The following CAMSAP1 variants were observed in gnomAD, a reference collection of about 807,000 sequenced individuals.
CAMSAP1 encodes the protein calmodulin regulated spectrin associated protein 1.
A neutral mutation model predicts 143.5 loss-of-function variants in CAMSAP1; 58 were observed. The ratio of observed to expected loss-of-function variants is 0.40; its 90% confidence interval spans 0.33 to 0.50. The LOEUF (loss-of-function observed/expected upper bound fraction) is 0.50, where lower values mean the gene tolerates loss of function less well. CAMSAP1 is among the 20% of genes least tolerant of loss of function. The pLI, the probability that CAMSAP1 is intolerant of heterozygous loss-of-function variation, is 0.45. For synonymous variants in CAMSAP1, 945 were observed against 859.3 expected (o/e 1.10, Z -1.74); for missense variants, 1,969 against 2,115.7 (o/e 0.93, Z 1.36).
intron 5 of CAMSAP1, among the ~76,000 whole-genome samples, chr9:135,853,733 C>T (rs557564305): frequency 8.5e-5 from 13 of 152,344 alleles, no homozygotes; most frequent in East Asian, 1.9e-4. Context: ...GCCCTGGCTA[C>T]GGCTCCCACT....
intron 3 of CAMSAP1, among the ~76,000 whole-genome samples, chr9:135,874,528 GA>G (rs930872087): frequency 2.0e-4 from 30 of 146,448 alleles, no homozygotes; most frequent in Admixed American, 1.8e-3. Context: ...GGGCATCTAT[GA>G]AAAAAAAATT....
chr9:135,881,726 C>G lies in CAMSAP1; in HGVS notation c.492G>C (p.Lys164Asn), dbSNP rs551929948. 7.7e-6 allele frequency: 12 copies of G among 1,551,774 alleles called. No individual in the cohort carries two copies. Among genetic ancestry groups the G allele is most frequent in the Non-Finnish European group, 1.0e-5 (12 of 1,147,042 alleles). Residue 164 changes from lysine (K) to asparagine (N), a missense_variant, in exon 3 of 17, where the codon AAG becomes AAC. Lys to Asn is a moderately conservative substitution (Grantham distance 94). This residue lies in a region of CAMSAP1 where 221 missense variants were observed against 298.2 expected (regional missense o/e 0.74). Coordinates refer to ENST00000389532, the MANE Select transcript of CAMSAP1 (RefSeq NM_015447.4). The stretch of plus-strand genomic sequence containing the variant: ...AGAAGCGCTTGACACTGGCCACCAC[C>G]TTCTCGATGCTGATCATCTCCACAG... ...AYTVEMISIE[K>N]VVASVKRFST...
intron 8 of CAMSAP1, 124 bp from the exon 9 acceptor site, chr9:135,825,004 G>A (rs1835622799): frequency 3.9e-6 from 3 of 763,294 alleles, no homozygotes; most frequent in South Asian, 1.8e-5. Context: ...CGGACTGTTT[G>A]GGAAAAAAAT....
chr9:135,841,231 C>T (rs1047992182), intron 7 of CAMSAP1, among the ~76,000 whole-genome samples: 6 of 152,148 alleles, frequency 3.9e-5, no homozygotes, highest in African/African-American at 1.4e-4. Context: ...ACAAAGCCGC[C>T]AGGAAGTTTA....
chr9:135,836,409 C>T, intron 7 of CAMSAP1: 1 of 985,204 alleles, frequency 1.0e-6, no homozygotes, highest in Non-Finnish European at 1.2e-6. Context: ...GCTTTTTCTA[C>T]TCCGTTCTAC....
Position 135,822,107 on chromosome 9 carries a change from G to C in CAMSAP1, c.2554C>G (p.Leu852Val). Residue 852 changes from leucine (L) to valine (V), a missense_variant, in exon 11 of 17, where the codon CTG becomes GTG. Physicochemically the swap from Leu to Val is conservative, Grantham distance 32. This residue lies in a region of CAMSAP1 where 1,390 missense variants were observed against 1,420.8 expected (regional missense o/e 0.98). Coordinates refer to ENST00000389532, the MANE Select transcript of CAMSAP1 (RefSeq NM_015447.4). The surrounding 1 kb of genome is among the most constrained non-coding windows in gnomAD (Gnocchi z 6.1). ...PDASESCPAP[L>V]TTWRQKREQS... ...TCCCTCTTCTGCCTCCACGTCGTCA[G>C]AGGGGCTGGGCAGCTCTCAGACGCA... The C allele has an allele frequency of 8.7e-6, 14 of 1,612,110 alleles. No individual in the cohort carries two copies. The highest frequency in any genetic ancestry group is 1.2e-5 in the Non-Finnish European group (14 of 1,179,658).
chr9:135,820,186 T>C lies in CAMSAP1; in HGVS notation c.3822+653A>G, dbSNP rs1271553376. 6.6e-6 allele frequency among the ~76,000 whole-genome samples: 1 copy of C among 152,190 alleles called. No homozygotes were observed. The highest frequency in any genetic ancestry group is 1.9e-4 in the East Asian group (1 of 5,182). ...CACAGCACATTACTGTACCCAATACTGTAAGTAACTGTGTATCAAAATCTA... is the reference window on the plus strand; with the variant it reads ...CACAGCACATTACTGTACCCAATACCGTAAGTAACTGTGTATCAAAATCTA... On this transcript the variant is annotated intron_variant, in intron 11 of 16. Coordinates refer to ENST00000389532, the MANE Select transcript of CAMSAP1 (RefSeq NM_015447.4). The surrounding 1 kb of genome is among the most constrained non-coding windows in gnomAD (Gnocchi z 4.4).
intron 1 of CAMSAP1, among the ~76,000 whole-genome samples, chr9:135,886,452 G>A (rs1007213941): frequency 1.3e-5 from 2 of 152,152 alleles, no homozygotes; most frequent in African/African-American, 4.8e-5. Context: ...GGGTAGGAGC[G>A]AGAGGAAAAC....
intron 7 of CAMSAP1, among the ~76,000 whole-genome samples, chr9:135,841,949 G>A (rs1024873108): frequency 6.6e-6 from 1 of 152,150 alleles, no homozygotes; most frequent in Non-Finnish European, 1.5e-5. Flanking sequence ...CTCCTCCAAA[G>A]GATCACAACT....
intron 3 of CAMSAP1, among the ~76,000 whole-genome samples, chr9:135,877,781 A>G (rs901679971): frequency 1.2e-4 from 18 of 152,128 alleles, no homozygotes; most frequent in African/African-American, 3.9e-4. Context: ...ACTGCACTCC[A>G]GCCTGGGCCA....
At chr9:135,835,196 A>G (rs774136683) in intron 7 of CAMSAP1, among the ~76,000 whole-genome samples, 14 of 152,144 alleles carry the variant, frequency 9.2e-5, no homozygotes, top group Middle Eastern at 3.2e-3. Flanking sequence ...GAGAAGTACC[A>G]TAACTGCCAA....
Position 135,822,930 on chromosome 9 carries a change from T to C in CAMSAP1, c.1731A>G (p.Gln577=), listed in dbSNP as rs1344261450. The C allele has an allele frequency of 2.5e-6, 4 of 1,613,846 alleles. No homozygotes were observed. The highest frequency in any genetic ancestry group is 1.7e-5 in the Admixed American group (1 of 59,996). ...TACTTTCCGAGGTGTCCAGCTGTCC[T>C]TGGGGAGACCGGGCATTTGCTGTAA... ...LGLTANARSP[Q]GQLDTSESKP... Residue 577 remains glutamine, a synonymous_variant, in exon 11 of 17, where the codon CAA becomes CAG. Coordinates refer to ENST00000389532, the MANE Select transcript of CAMSAP1 (RefSeq NM_015447.4). This position sits in a 1 kb window ranked among gnomAD's most constrained non-coding sequence, Gnocchi z 6.1.
intron 4 of CAMSAP1, among the ~76,000 whole-genome samples, chr9:135,865,686 T>C (rs944391659): frequency 1.3e-5 from 2 of 152,166 alleles, no homozygotes; most frequent in Non-Finnish European, 2.9e-5. Flanking sequence ...TGTACCCATG[T>C]GTTAAACATG....
intron 3 of CAMSAP1, among the ~76,000 whole-genome samples, chr9:135,869,863 C>T (rs1035584328): frequency 5.3e-5 from 8 of 152,050 alleles, no homozygotes; most frequent in South Asian, 2.1e-4. Context: ...AGGAATGAAA[C>T]GCTGACACCC....
chr9:135,891,963 G>A (rs1838302936), intron 1 of CAMSAP1, among the ~76,000 whole-genome samples: 1 of 152,178 alleles, frequency 6.6e-6, no homozygotes, highest in Non-Finnish European at 1.5e-5. Flanking sequence ...TATGAAAATA[G>A]ATCAATAGAA....
At chr9:135,890,362 G>A (rs758393658) in intron 1 of CAMSAP1, among the ~76,000 whole-genome samples, 3 of 152,104 alleles carry the variant, frequency 2.0e-5, no homozygotes, top group Non-Finnish European at 4.4e-5. Context: ...TGGGTGGTGA[G>A]GAATCACCAG....
chr9:135,824,045 G>C lies in CAMSAP1; in HGVS notation c.1316-11C>G. 6.4e-7 allele frequency: 1 copy of C among 1,567,796 alleles called. No homozygotes were observed. Among genetic ancestry groups the C allele is most frequent in the South Asian group, 1.2e-5 (1 of 84,940 alleles). On this transcript the variant is annotated splice_polypyrimidine_tract_variant and intron_variant, in intron 9 of 16. Coordinates refer to ENST00000389532, the MANE Select transcript of CAMSAP1 (RefSeq NM_015447.4). This position sits in a 1 kb window ranked among gnomAD's most constrained non-coding sequence, Gnocchi z 4.1. The stretch of plus-strand genomic sequence containing the variant: ...ATCGATGTCGCTGATCTGCAGTACA[G>C]AGGAATTAGATAGTGTTAAGTAACC...
intron 3 of CAMSAP1, among the ~76,000 whole-genome samples, chr9:135,874,117 G>A (rs576232298): frequency 1.3e-5 from 2 of 152,102 alleles, no homozygotes; most frequent in African/African-American, 4.8e-5. Flanking sequence ...AAAATGAAAA[G>A]TCATATAATC....
intron 3 of CAMSAP1, among the ~76,000 whole-genome samples, chr9:135,867,229 C>A (rs372231558): frequency 5.3e-5 from 8 of 151,286 alleles, no homozygotes; most frequent in Non-Finnish European, 1.2e-4. Context: ...ATCAGGAGTA[C>A]GAAAAACTGT....
Sources: allele counts gnomAD v4.1 joint callset (sites outside exome capture counted in the v4.1 genomes callset), GRCh38; gene constraint gnomAD v4.1.1; regional missense constraint gnomAD v4.1.1; non-coding constraint Gnocchi (gnomAD v3.1); transcripts MANE v1.5; gene names NCBI Gene and HGNC (gene_info 2026-07-23, HGNC 2026-07-21).